The following PIK3C2B variants were observed in gnomAD, a reference collection of about 807,000 sequenced individuals.
PIK3C2B encodes the protein phosphatidylinositol-4-phosphate 3-kinase catalytic subunit type 2 beta.
In PIK3C2B, 83 loss-of-function variants were observed where a neutral mutation model predicts 184.3. The ratio of observed to expected loss-of-function variants is 0.45; its 90% confidence interval spans 0.38 to 0.54. PIK3C2B has a LOEUF of 0.54. PIK3C2B is among the 20% of genes least tolerant of loss of function. The pLI is 0.00. For synonymous variants in PIK3C2B, 779 were observed against 837.6 expected (o/e 0.93, Z 1.21); for missense variants, 1,736 against 2,113.5 (o/e 0.82, Z 3.50).
intron 1 of PIK3C2B, among the ~76,000 whole-genome samples, chr1:204,484,255 G>A (rs1158359138): frequency 2.0e-5 from 3 of 152,124 alleles, no homozygotes; most frequent in Admixed American, 1.3e-4. Flanking sequence ...CCTTAAATGT[G>A]GATGTTATCA....
Position 204,423,043 on chromosome 1 carries a change from T to C in PIK3C2B, c.*1809A>G, listed in dbSNP as rs1284244894. 1 of 152,202 alleles carries C rather than the reference T, an allele frequency of 6.6e-6. No individual in the cohort carries two copies. The highest frequency in any genetic ancestry group is 1.5e-5 in the Non-Finnish European group (1 of 68,038). The allele number at this position is 152,202 out of a possible 1,614,324, so 9.4% of individuals were successfully genotyped here. ...CCTCATTTCACTCTTTTCCCAATCA[T>C]GGGAAATATCCAGCCAATTCTGGTT... On this transcript the variant is annotated 3_prime_UTR_variant, in exon 33 of 33. Coordinates refer to ENST00000684373, the MANE Select transcript of PIK3C2B (RefSeq NM_001377334.1).
In PIK3C2B at chr1:204,469,662, G is replaced by A. The variant is rs1656131142; in HGVS notation, c.141C>T (p.Asn47=). ...LSRLRHDKEE[N]RAKQNADPSL... is the part of the protein sequence containing the mutation. ...AGGGGTCTGCGTTCTGCTTGGCTCT[G>A]TTCTCCTCCTTGTCATGCCGGAGCC... is the stretch of plus-strand genomic sequence containing the variant. The change falls in exon 2 of 33, where the codon AAC becomes AAT. Residue 47 remains asparagine, a synonymous_variant. Transcript: ENST00000684373. 12 of 1,614,036 alleles carry A rather than the reference G, an allele frequency of 7.4e-6. No individual in the cohort carries two copies. The highest frequency in any genetic ancestry group is 9.3e-6 in the Non-Finnish European group (11 of 1,179,984).
chr1:204,457,674 ACCTGACAGTAT>A lies in PIK3C2B; in HGVS notation c.1713+43_1713+53del, dbSNP rs1368333889. The A allele has an allele frequency of 3.2e-5, 49 of 1,512,042 alleles. No individual in the cohort carries two copies. In the African/African-American group the frequency reaches 6.7e-4, roughly 21 times the overall value. 93.7% of individuals were successfully genotyped at this position (1,512,042 alleles called of 1,614,324 possible). A position where few individuals can be genotyped will look rare whatever the true frequency, so the allele number is the denominator to read the frequency against. ...CACTCTAGCAACAGGCAACTCAGTT[ACCTGACAGTAT>A]CCCTCTCTTCCTTTCCCCTGCTAGC... is the stretch of plus-strand genomic sequence containing the variant. On this transcript the variant is annotated intron_variant, in intron 9 of 32. Coordinates refer to ENST00000684373, the MANE Select transcript of PIK3C2B (RefSeq NM_001377334.1).
chr1:204,442,453 T>C, intron 20 of PIK3C2B, 73 bp downstream of exon 20: 1 of 961,054 alleles, frequency 1.0e-6, no homozygotes, highest in Non-Finnish European at 1.6e-6. Flanking sequence ...CGACCTTGCA[T>C]GCCTGGTTAG....
Position 204,433,952 on chromosome 1 carries a change from G to C in PIK3C2B, c.3687-3C>G. 1.2e-6 allele frequency: 2 copies of C among 1,613,240 alleles called. No homozygotes were observed. Among genetic ancestry groups the C allele is most frequent in the Non-Finnish European group, 1.7e-6 (2 of 1,179,508 alleles). ...TGAAGACAAAGGGGGCACGGTCCCT[G>C]AGCCAAGGGGAACATACAGGTAGAA... On this transcript the variant is annotated splice_polypyrimidine_tract_variant and splice_region_variant and intron_variant, in intron 24 of 32. Coordinates refer to ENST00000684373, the MANE Select transcript of PIK3C2B (RefSeq NM_001377334.1). This position sits in a 1 kb window ranked among gnomAD's most constrained non-coding sequence, Gnocchi z 5.0.
At chr1:204,445,168 C>A (rs61763409) in intron 16 of PIK3C2B, among the ~76,000 whole-genome samples, 3,486 of 147,324 alleles carry the variant, frequency 0.024, 138 homozygotes, top group African/African-American at 0.082. Context: ...TACAGGTAAA[C>A]TTTGGGTATT....
At chr1:204,449,440 T>G (rs532126644) in intron 13 of PIK3C2B, 144 bp from the exon 14 acceptor site, 1 of 663,210 alleles carries the variant, frequency 1.5e-6, no homozygotes, top group Admixed American at 2.6e-5. Flanking sequence ...CCATAGCCTC[T>G]TCCTTCTCCC....
chr1:204,464,630 A>C (rs1321598193), intron 3 of PIK3C2B, 26 bp from the exon 4 acceptor site: 1 of 1,608,144 alleles, frequency 6.2e-7, no homozygotes, highest in Admixed American at 1.7e-5. Flanking sequence ...AAAAACCCTC[A>C]CTGTGCCTTT....
chr1:204,463,526 C>T (rs979103577), intron 5 of PIK3C2B, among the ~76,000 whole-genome samples: 6 of 152,092 alleles, frequency 3.9e-5, no homozygotes, highest in Admixed American at 2.0e-4. Flanking sequence ...ACTAGCTGCA[C>T]GGGCCAGCTG....
intron 1 of PIK3C2B, chr1:204,489,803 A>G: frequency 2.5e-6 from 1 of 397,938 alleles, no homozygotes; most frequent in Non-Finnish European, 4.4e-6. Context: ...CCTGAGACAA[A>G]AAGAACTCAT....
intron 12 of PIK3C2B, among the ~76,000 whole-genome samples, chr1:204,452,050 G>A (rs1654405318): frequency 6.6e-6 from 1 of 152,156 alleles, no homozygotes; most frequent in African/African-American, 2.4e-5. Flanking sequence ...TCCTGGTCTT[G>A]ACCATGAAGG....
chr1:204,438,812 G>C (rs2103477798), intron 23 of PIK3C2B, 123 bp downstream of exon 23: 1 of 1,051,966 alleles, frequency 9.5e-7, no homozygotes, highest in East Asian at 2.6e-5. Context: ...AGAAAGGGTA[G>C]GTCCTTCTGC....
chr1:204,442,470 C>A, intron 20 of PIK3C2B, 56 bp downstream of exon 20: 12 of 1,151,820 alleles, frequency 1.0e-5, no homozygotes, highest in Non-Finnish European at 1.5e-5. Flanking sequence ...TTAGTGAAGA[C>A]CTCACCTCCA....
intron 1 of PIK3C2B, among the ~76,000 whole-genome samples, chr1:204,485,037 C>T (rs4951385): frequency 0.63 from 94,990 of 150,902 alleles, 31,561 homozygotes; most frequent in Non-Finnish European, 0.72. Flanking sequence ...ACCAGTCTTC[C>T]AGTCTTTTTT....
chr1:204,441,672 A>ACCCAAGACCTGCTCATTGTTTCTT, intron 20 of PIK3C2B, 109 bp from the exon 21 acceptor site: 1 of 621,422 alleles, frequency 1.6e-6, no homozygotes, highest in Non-Finnish European at 2.8e-6. Flanking sequence ...CTGCCGGTCC[A>ACCCAAGACCTGCTCATTGTTTCTT]CCCAAGACCT....
chr1:204,440,369 A>G (rs1675584715), intron 21 of PIK3C2B, 48 bp from the exon 22 acceptor site: 2 of 1,521,102 alleles, frequency 1.3e-6, no homozygotes, highest in Admixed American at 4.1e-5. Flanking sequence ...CTACCTCCCC[A>G]GCTCTCAGGT....
In PIK3C2B at chr1:204,469,831, GTC is replaced by G. The variant is rs1228451564; in HGVS notation, c.-31_-30del. On this transcript the variant is annotated 5_prime_UTR_variant, in exon 2 of 33. Transcript: ENST00000684373. ...GAGGATGGGGGACACAGGCAACAAAGTCTCTACTTCCTGCCAACGTCAGTTCT... is the reference window on the plus strand; with the variant it reads ...GAGGATGGGGGACACAGGCAACAAAGTCTACTTCCTGCCAACGTCAGTTCT... 6.6e-7 allele frequency: 1 copy of G among 1,510,046 alleles called. No individual in the cohort carries two copies. Among genetic ancestry groups the G allele is most frequent in the Non-Finnish European group, 9.2e-7 (1 of 1,085,852 alleles). 93.5% of individuals were successfully genotyped at this position (1,510,046 alleles called of 1,614,324 possible).
rs1281890237 is a variant in PIK3C2B at position 204,494,668 on chromosome 1, A to C, written c.-397T>G. On this transcript the variant is annotated 5_prime_UTR_variant, in exon 1 of 33. It adds an upstream start codon to the 5' untranslated region. Transcript: ENST00000684373. Reference sequence around the variant, plus strand: ...AGAGTCAGGCCACCCCGGGTGAGACAATAGCGGCAGCAGCGGGCGAGAGAG... The same window carrying C: ...AGAGTCAGGCCACCCCGGGTGAGACCATAGCGGCAGCAGCGGGCGAGAGAG... 1 of 152,430 alleles carries C rather than the reference A, an allele frequency of 6.6e-6. No individual in the cohort carries two copies. The highest frequency in any genetic ancestry group is 1.5e-5 in the Non-Finnish European group (1 of 68,232). 9.4% of individuals were successfully genotyped at this position (152,430 alleles called of 1,614,324 possible).
chr1:204,485,457 A>T (rs1409368347), intron 1 of PIK3C2B, among the ~76,000 whole-genome samples: 12 of 152,138 alleles, frequency 7.9e-5, no homozygotes, highest in Non-Finnish European at 1.8e-4. Flanking sequence ...TCTCACCTGA[A>T]TGATGAATGA....
Sources: gnomAD v4.1 joint callset for allele counts (sites outside exome capture counted in the v4.1 genomes callset) on GRCh38, gnomAD v4.1.1 for gene constraint, Gnocchi (gnomAD v3.1) non-coding constraint, MANE v1.5 for transcripts, NCBI Gene and HGNC (gene_info 2026-07-23, HGNC 2026-07-21) for gene names.